The following ACACA variants were observed in gnomAD, a reference collection of about 807,000 sequenced individuals.
ACACA encodes the protein acetyl-CoA carboxylase 1.
ACACA carries 103 observed loss-of-function variants against 296.1 expected under a neutral mutation model. The ratio of observed to expected loss-of-function variants is 0.35; its 90% CI spans 0.30 to 0.41. ACACA has a LOEUF of 0.41. ACACA is among the 10% of genes least tolerant of loss of function. The pLI, the probability that ACACA is intolerant of heterozygous loss-of-function variation, is 1.00. For missense variants in ACACA, 1,554 were observed against 2,989.7 expected (o/e 0.52, Z 11.20); for synonymous variants, 953 against 1,038.6 (o/e 0.92, Z 1.58).
At chr17:37,173,971 G>C (rs1304002147) in intron 41 of ACACA, among the ~76,000 whole-genome samples, 1 of 94,944 alleles carries the variant, frequency 1.1e-5, no homozygotes, top group African/African-American at 3.8e-5. Context: ...CTGCCAACAC[G>C]CCTGGCTAAT....
chr17:37,393,422 A>G (rs11867736), intron 1 of ACACA, among the ~76,000 whole-genome samples: 18,153 of 152,136 alleles, frequency 0.12, 1,275 homozygotes, highest in East Asian at 0.26. Flanking sequence ...GTCCAGAACT[A>G]AGGCCTACAT....
intron 41 of ACACA, among the ~76,000 whole-genome samples, chr17:37,174,001 T>A (rs1567761768): frequency 8.3e-5 from 1 of 12,026 alleles, no homozygotes; most frequent in Non-Finnish European, 1.6e-4. Context: ...TATATATATA[T>A]ATATATATAT....
At chr17:37,406,133 C>T in intron 1 of ACACA, 129 bp downstream of exon 1, 1 of 1,047,688 alleles carries the variant, frequency 9.5e-7, no homozygotes, top group South Asian at 1.3e-5. Flanking sequence ...AGGTGCCTAC[C>T]TCACAAGTTT....
At chr17:37,271,759 C>A (rs2146410483) in intron 9 of ACACA, among the ~76,000 whole-genome samples, 1 of 151,950 alleles carries the variant, frequency 6.6e-6, no homozygotes. Flanking sequence ...CACCTGAGGT[C>A]AGGAGTTCGA....
At chr17:37,236,562 C>T (rs563730581) in intron 24 of ACACA, among the ~76,000 whole-genome samples, 34 of 152,102 alleles carry the variant, frequency 2.2e-4, no homozygotes, top group African/African-American at 8.2e-4. Context: ...CGGTGGCTCA[C>T]CCTTGTAATC....
chr17:37,304,999 C>T (rs1469250846), intron 3 of ACACA, among the ~76,000 whole-genome samples: 1 of 152,106 alleles, frequency 6.6e-6, no homozygotes, highest in Non-Finnish European at 1.5e-5. Context: ...TCCTTTAGGT[C>T]TTTGAACACA....
chr17:37,342,436 A>AAAAATATAT (rs1555652530), intron 1 of ACACA, among the ~76,000 whole-genome samples: 6 of 58,216 alleles, frequency 1.0e-4, no homozygotes, highest in Admixed American at 3.6e-4. Context: ...AAAAAAAAAA[A>AAAAATATAT]ATATATATAT....
chr17:37,335,848 G>A (rs780392869), intron 2 of ACACA, among the ~76,000 whole-genome samples: 6 of 152,158 alleles, frequency 3.9e-5, no homozygotes, highest in African/African-American at 7.2e-5. Context: ...CGCGGAAAGC[G>A]GGGGAACCTT....
intron 33 of ACACA, among the ~76,000 whole-genome samples, chr17:37,203,039 A>T (rs1447459439): frequency 1.3e-5 from 2 of 150,302 alleles, no homozygotes; most frequent in Admixed American, 1.3e-4. Context: ...CTCGGCTCAC[A>T]GCAACCTCCG....
At chr17:37,327,102 G>A (rs2047658800) in intron 3 of ACACA, among the ~76,000 whole-genome samples, 1 of 152,160 alleles carries the variant, frequency 6.6e-6, no homozygotes, top group Non-Finnish European at 1.5e-5. Context: ...CACCCATGAA[G>A]GATTAGGCTA....
intron 33 of ACACA, 52 bp from the exon 34 acceptor site, chr17:37,200,535 T>C (rs1253385534): frequency 1.3e-6 from 2 of 1,519,350 alleles, no homozygotes; most frequent in South Asian, 1.1e-5. Context: ...CCATTCATTC[T>C]AAATTTTATC....
intron 23 of ACACA, 76 bp downstream of exon 23, chr17:37,241,877 T>C: frequency 1.6e-6 from 2 of 1,238,152 alleles, no homozygotes; most frequent in Non-Finnish European, 2.4e-6. Flanking sequence ...CTGAGGTAAA[T>C]TTTTTTGTGA....
At chr17:37,344,738 C>G (rs533050010) in intron 1 of ACACA, among the ~76,000 whole-genome samples, 17 of 152,160 alleles carry the variant, frequency 1.1e-4, no homozygotes, top group African/African-American at 3.9e-4. Context: ...CTGTGGTAAA[C>G]TTACGATCAA....
At position 37,240,513 on chromosome 17, in the gene ACACA, G is replaced by T; in HGVS notation, c.3084C>A (p.Leu1028=). ...GTGTCTCTACTCGCAGGTACTGCCG[G>T]AGCAGATCCATCACCACAGCCTTCA... The part of the protein sequence containing the change: ...GHMKAVVMDL[L]RQYLRVETQF... The change falls in exon 24 of 56, where the codon CTC becomes CTA. Residue 1028 remains leucine (L), a synonymous_variant. Coordinates refer to ENST00000616317, the MANE Select transcript of ACACA (RefSeq NM_198834.3). 6.2e-7 allele frequency: 1 copy of T among 1,613,802 alleles called. No homozygotes were observed. The highest frequency in any genetic ancestry group is 8.5e-7 in the Non-Finnish European group (1 of 1,180,012).
chr17:37,224,970 A>G, intron 27 of ACACA, 22 bp downstream of exon 27: 1 of 417,442 alleles, frequency 2.4e-6, no homozygotes, highest in Non-Finnish European at 3.6e-6. Context: ...AAAGGGTTAT[A>G]TATATATATA....
At chr17:37,167,375 G>A (rs2076717380) in intron 41 of ACACA, among the ~76,000 whole-genome samples, 1 of 150,238 alleles carries the variant, frequency 6.7e-6, no homozygotes, top group Non-Finnish European at 1.5e-5. Flanking sequence ...TTGGAGTGCA[G>A]TGATGCAATC....
At chr17:37,290,898 A>G (rs2083019858) in intron 3 of ACACA, among the ~76,000 whole-genome samples, 1 of 151,910 alleles carries the variant, frequency 6.6e-6, no homozygotes, top group African/African-American at 2.4e-5. Flanking sequence ...CTGGCCAACA[A>G]GGTGAAACCC....
intron 2 of ACACA, among the ~76,000 whole-genome samples, chr17:37,338,417 G>A (rs1323011548): frequency 6.6e-6 from 1 of 152,002 alleles, no homozygotes; most frequent in African/African-American, 2.4e-5. Flanking sequence ...AGCACTTTGG[G>A]AGGCCGAGGC....
intron 28 of ACACA, chr17:37,222,089 A>G (rs2145661875): frequency 3.8e-6 from 2 of 530,348 alleles, no homozygotes; most frequent in Non-Finnish European, 6.8e-6. Flanking sequence ...TGCACTGTAA[A>G]CCTTCTTCCA....
Sources: allele counts gnomAD v4.1 joint callset (sites outside exome capture counted in the v4.1 genomes callset), GRCh38; gene constraint gnomAD v4.1.1; transcripts MANE v1.5; gene names NCBI Gene and HGNC (gene_info 2026-07-23, HGNC 2026-07-21).